The following JAZF1 variants were observed in gnomAD, a reference collection of about 807,000 sequenced individuals.
JAZF1 encodes the protein JAZF zinc finger 1.
JAZF1 carries 8 observed loss-of-function variants against 26.4 expected under a neutral mutation model. The observed-to-expected ratio is 0.30, with a 90% CI of 0.18 to 0.55. JAZF1 has a LOEUF of 0.55. JAZF1 is among the 20% of genes least tolerant of loss of function. The pLI is 0.94. For missense variants in JAZF1, 199 were observed against 322.0 expected, an observed-to-expected ratio of 0.62 and a Z score of 2.92; for synonymous variants, 126 against 122.3, an observed-to-expected ratio of 1.03 and a Z score of -0.20.
chr7:27,913,518 C>A (rs894959623), intron 2 of JAZF1: 5 of 319,842 alleles, frequency 1.6e-5, no homozygotes, highest in Admixed American at 9.4e-5. Flanking sequence ...GGGAGGGGCG[C>A]TGCGGAGCTA....
intron 1 of JAZF1, among the ~76,000 whole-genome samples, chr7:27,994,415 G>A (rs1201568932): frequency 6.7e-6 from 1 of 148,434 alleles, no homozygotes; most frequent in East Asian, 1.9e-4. Flanking sequence ...ACTTCTGGAA[G>A]CTTCCAAACA....
At chr7:28,113,183 A>C (rs975091078) in intron 1 of JAZF1, among the ~76,000 whole-genome samples, 2 of 152,170 alleles carry the variant, frequency 1.3e-5, no homozygotes, top group Non-Finnish European at 2.9e-5. Flanking sequence ...AAGGCAGTGT[A>C]ACTTCTGGGG....
chr7:27,896,680 C>A (rs1474713743), intron 2 of JAZF1, among the ~76,000 whole-genome samples: 1 of 152,204 alleles, frequency 6.6e-6, no homozygotes. Flanking sequence ...AGTTCTAATA[C>A]CTGGCGAAAG....
In JAZF1 at chr7:27,895,341, C is replaced by A. The variant is rs775685420; in HGVS notation, c.264G>T (p.Leu88=). 4.3e-6 allele frequency: 7 copies of A among 1,610,480 alleles called. No individual in the cohort carries two copies. The highest frequency in any genetic ancestry group is 5.9e-6 in the Non-Finnish European group (7 of 1,178,512). Residue 88 remains leucine, a synonymous_variant, in exon 3 of 5, where the codon CTG becomes CTT. Transcript: ENST00000283928. The stretch of plus-strand genomic sequence containing the variant: ...CATTCCCTCGAGACACTGAGCTGGA[C>A]AGAGTCAGCGAGAGCTTCGGCTGAA... ...KKIQPKLSLT[L]SSSVSRGNVS... is the part of the protein sequence containing the mutation.
intron 1 of JAZF1, among the ~76,000 whole-genome samples, chr7:28,136,926 C>A (rs991936395): frequency 3.3e-5 from 5 of 152,144 alleles, no homozygotes; most frequent in African/African-American, 1.2e-4. Context: ...AGTGTTCACA[C>A]GGGAGGCTCG....
rs532154760 is a variant in JAZF1, at chr7:28,104,226, C to G, written c.115+76237G>C. Among the ~76,000 whole-genome samples, 3 of 152,334 alleles carry G rather than the reference C, an allele frequency of 2.0e-5. No homozygotes were observed. In the East Asian group the frequency reaches 5.8e-4, roughly 29 times the overall value. On this transcript the variant is annotated intron_variant, in intron 1 of 4. Transcript: ENST00000283928. ...GTACTGTGACAACCCCACACTCCCC[C>G]TCTCCACTTTCCTTATCTTACTTTT... is the stretch of plus-strand genomic sequence containing the variant.
At chr7:28,035,313 C>CAAAA (rs201602870) in intron 1 of JAZF1, among the ~76,000 whole-genome samples, 1,086 of 27,312 alleles carry the variant, frequency 0.04, 73 homozygotes, top group African/African-American at 0.046. Flanking sequence ...GACTCCATCT[C>CAAAA]AAAAAAAAAA....
At chr7:28,153,220 A>G (rs1783135463) in intron 1 of JAZF1, among the ~76,000 whole-genome samples, 1 of 152,218 alleles carries the variant, frequency 6.6e-6, no homozygotes, top group Admixed American at 6.5e-5. Flanking sequence ...TAACACTGTC[A>G]GCCAGGAAGT....
intron 1 of JAZF1, among the ~76,000 whole-genome samples, chr7:28,136,507 A>G (rs1011850737): frequency 2.6e-5 from 4 of 152,270 alleles, no homozygotes; most frequent in African/African-American, 9.6e-5. Flanking sequence ...CAGAATCTAG[A>G]GAGAAATAAC....
intron 1 of JAZF1, among the ~76,000 whole-genome samples, chr7:28,092,271 C>T (rs1322788696): frequency 6.3e-5 from 5 of 79,368 alleles, no homozygotes; most frequent in African/African-American, 2.5e-4. Flanking sequence ...CTCTAACATC[C>T]CATTTCAGGG....
chr7:27,920,732 G>A (rs548083395), intron 2 of JAZF1, among the ~76,000 whole-genome samples: 2 of 152,188 alleles, frequency 1.3e-5, no homozygotes, highest in Non-Finnish European at 1.5e-5. Context: ...CCCCACTTCC[G>A]CCGACAACAG....
At chr7:28,168,268 G>C (rs1783398724) in intron 1 of JAZF1, among the ~76,000 whole-genome samples, 1 of 151,586 alleles carries the variant, frequency 6.6e-6, no homozygotes, top group East Asian at 1.9e-4. Flanking sequence ...TGTAGTCCCA[G>C]CTACTCGGGA....
intron 4 of JAZF1, among the ~76,000 whole-genome samples, chr7:27,835,199 A>G (rs1782782454): frequency 6.6e-6 from 1 of 152,232 alleles, no homozygotes; most frequent in South Asian, 2.1e-4. Flanking sequence ...CAAAAATAGA[A>G]AAGCATTAAC....
At chr7:27,915,283 C>G (rs1784427291) in intron 2 of JAZF1, among the ~76,000 whole-genome samples, 1 of 152,140 alleles carries the variant, frequency 6.6e-6, no homozygotes, top group African/African-American at 2.4e-5. Flanking sequence ...AATAAATCAC[C>G]AAATTCCATT....
At chr7:27,940,562 G>C (rs180912549) in intron 2 of JAZF1, among the ~76,000 whole-genome samples, 9 of 152,314 alleles carry the variant, frequency 5.9e-5, no homozygotes, top group Admixed American at 2.0e-4. Flanking sequence ...TGATGCTGCT[G>C]ATTTGGCTGA....
intron 2 of JAZF1, among the ~76,000 whole-genome samples, chr7:27,938,941 A>G (rs1426333466): frequency 6.6e-6 from 1 of 152,054 alleles, no homozygotes; most frequent in Non-Finnish European, 1.5e-5. Flanking sequence ...ATGGCTGGCC[A>G]TAATGATTCT....
intron 1 of JAZF1, among the ~76,000 whole-genome samples, chr7:28,000,288 G>A (rs1786116838): frequency 6.6e-6 from 1 of 152,166 alleles, no homozygotes; most frequent in South Asian, 2.1e-4. Flanking sequence ...CAACTGGAGG[G>A]AGGGTTCCAG....
At chr7:28,158,149 G>GCGCGCGCACACA (rs1554292371) in intron 1 of JAZF1, among the ~76,000 whole-genome samples, 2 of 131,818 alleles carry the variant, frequency 1.5e-5, no homozygotes, top group African/African-American at 5.8e-5. Flanking sequence ...AAACACGCGC[G>GCGCGCGCACACA]CACACACACA....
At chr7:27,884,648 A>G (rs1450776132) in intron 3 of JAZF1, among the ~76,000 whole-genome samples, 1 of 152,136 alleles carries the variant, frequency 6.6e-6, no homozygotes, top group African/African-American at 2.4e-5. Flanking sequence ...GCTCAGCATA[A>G]TGTTTTTGAG....
Sources: gnomAD v4.1 joint callset for allele counts (sites outside exome capture counted in the v4.1 genomes callset) on GRCh38, gnomAD v4.1.1 for gene constraint, MANE v1.5 for transcripts, NCBI Gene and HGNC (gene_info 2026-07-23, HGNC 2026-07-21) for gene names.